GTPBP10: variants seen among roughly 807,000 people sequenced by gnomAD.
The protein encoded by GTPBP10 is GTP-binding protein 10.
A neutral mutation model predicts 44.8 loss-of-function variants in GTPBP10; 38 were observed. The observed-to-expected ratio is 0.85, with a 90% CI of 0.65 to 1.11. The LOEUF (loss-of-function observed/expected upper bound fraction) is 1.11, where lower values mean the gene tolerates loss of function less well. Among genes scored for constraint, GTPBP10 ranks in the 50% most tolerant of loss-of-function variants. GTPBP10 has a pLI of 0.00. For missense variants in GTPBP10, 462 were observed against 453.7 expected (o/e 1.02, Z -0.17); for synonymous variants, 152 against 150.6 (o/e 1.01, Z -0.07).
In GTPBP10 at chr7:90,384,974, T is replaced by A; in HGVS notation, c.984T>A (p.Thr328=). The A allele has an allele frequency of 1.2e-6, 2 of 1,613,642 alleles. No homozygotes were observed. The highest frequency in any genetic ancestry group is 1.7e-6 in the Non-Finnish European group (2 of 1,179,684). ...FQHIIPISAV[T]GEGIEELKNC... ...ATATCATCCCCATATCTGCAGTTAC[T>A]GGAGAAGGAATCGAAGAATTAAAGA... Residue 328 remains threonine (T), a synonymous_variant, in exon 10 of 10, where the codon ACT becomes ACA. Coordinates refer to ENST00000222511, the MANE Select transcript of GTPBP10 (RefSeq NM_033107.4).
intron 4 of GTPBP10, among the ~76,000 whole-genome samples, chr7:90,370,534 A>C (rs80012030): frequency 0.014 from 2,133 of 152,110 alleles, 57 homozygotes; most frequent in African/African-American, 0.049. Flanking sequence ...TGGACATTGG[A>C]GACTCGGAGG....
At chr7:90,353,150 T>G in intron 2 of GTPBP10, 141 bp downstream of exon 2, 1 of 543,408 alleles carries the variant, frequency 1.8e-6, no homozygotes, top group Non-Finnish European at 3.2e-6. Flanking sequence ...GCCTAAAATG[T>G]CTCAACTCAT....
At chr7:90,355,374 C>T (rs942572489) in intron 4 of GTPBP10, 144 bp downstream of exon 4, 4 of 498,092 alleles carry the variant, frequency 8.0e-6, no homozygotes, top group Non-Finnish European at 1.4e-5. Context: ...AAATATGCTG[C>T]TAAATATTAT....
intron 1 of GTPBP10, among the ~76,000 whole-genome samples, chr7:90,350,296 C>T (rs534747770): frequency 5.6e-4 from 86 of 152,294 alleles, no homozygotes; most frequent in African/African-American, 2.0e-3. Flanking sequence ...TTAATCCAGT[C>T]TATCATTGAT....
chr7:90,373,296 C>T (rs1240451086), intron 5 of GTPBP10, among the ~76,000 whole-genome samples: 1 of 152,098 alleles, frequency 6.6e-6, no homozygotes, highest in Non-Finnish European at 1.5e-5. Flanking sequence ...ACAGAGATCT[C>T]GGCCTGTAAT....
intron 1 of GTPBP10, among the ~76,000 whole-genome samples, chr7:90,349,044 G>A (rs918230868): frequency 7.2e-5 from 11 of 151,974 alleles, no homozygotes; most frequent in Admixed American, 5.2e-4. Flanking sequence ...CCACTTTCCC[G>A]CCGTTTTTGG....
intron 2 of GTPBP10, chr7:90,353,226 C>CT: frequency 2.5e-6 from 1 of 396,992 alleles, no homozygotes; most frequent in African/African-American, 2.0e-5. Context: ...TTCCCAATGT[C>CT]TATCTGTATT....
intron 6 of GTPBP10, 138 bp from the exon 7 acceptor site, chr7:90,377,369 T>A (rs1796358444): frequency 5.7e-6 from 3 of 527,754 alleles, no homozygotes; most frequent in Admixed American, 6.9e-5. Flanking sequence ...ACTCTTATAC[T>A]TGGCTTTTCA....
At chr7:90,359,604 G>A (rs548636060) in intron 4 of GTPBP10, among the ~76,000 whole-genome samples, 29 of 152,244 alleles carry the variant, frequency 1.9e-4, no homozygotes, top group African/African-American at 5.5e-4. Context: ...ATAAACATAC[G>A]TGTGCATCTG....
In GTPBP10 at chr7:90,385,102, C is replaced by G; in HGVS notation, c.1112C>G (p.Thr371Ser). The change falls in exon 10 of 10, where the codon ACT becomes AGT. Residue 371 changes from threonine (T) to serine (S), a missense_variant. Thr to Ser is a moderately conservative substitution (Grantham distance 58, BLOSUM62 1). Transcript: ENST00000222511. ...NLWISDTMSS[T>S]EPPSKHAVTT... is the part of the protein sequence containing the mutation. ...TGGATTTCTGATACAATGTCTTCTA[C>G]TGAGCCACCATCAAAGCATGCTGTT... 6.2e-7 allele frequency: 1 copy of G among 1,612,350 alleles called. No homozygotes were observed. The highest frequency in any genetic ancestry group is 8.5e-7 in the Non-Finnish European group (1 of 1,178,660).
intron 3 of GTPBP10, among the ~76,000 whole-genome samples, chr7:90,354,783 A>C (rs368966845): frequency 6.6e-6 from 1 of 152,118 alleles, no homozygotes; most frequent in South Asian, 2.1e-4. Flanking sequence ...GCTCTTTTCA[A>C]TTGTTTACTG....
intron 4 of GTPBP10, among the ~76,000 whole-genome samples, chr7:90,363,060 C>T (rs1796059405): frequency 6.6e-6 from 1 of 151,498 alleles, no homozygotes; most frequent in Admixed American, 6.6e-5. Flanking sequence ...CTAAATACAG[C>T]ACACTCTTGG....
At chr7:90,362,760 T>G (rs1042282556) in intron 4 of GTPBP10, among the ~76,000 whole-genome samples, 1 of 152,162 alleles carries the variant, frequency 6.6e-6, no homozygotes, top group South Asian at 2.1e-4. Flanking sequence ...ATTATTGTTT[T>G]GGAGTCTAAG....
At chr7:90,368,140 C>T (rs1323377266) in intron 4 of GTPBP10, among the ~76,000 whole-genome samples, 2 of 152,148 alleles carry the variant, frequency 1.3e-5, no homozygotes, top group Non-Finnish European at 2.9e-5. Flanking sequence ...GGGTTTCTGC[C>T]AAGAGATCCA....
chr7:90,351,553 A>G (rs1795791482), intron 1 of GTPBP10, among the ~76,000 whole-genome samples: 1 of 152,206 alleles, frequency 6.6e-6, no homozygotes, highest in African/African-American at 2.4e-5. Flanking sequence ...TTTGCTTTGT[A>G]AGTTTTTTCA....
At chr7:90,349,363 G>A (rs1052378811) in intron 1 of GTPBP10, among the ~76,000 whole-genome samples, 2 of 152,082 alleles carry the variant, frequency 1.3e-5, no homozygotes, top group Non-Finnish European at 2.9e-5. Context: ...CATTGTGTTT[G>A]GGGGCAAGGA....
At chr7:90,377,774 T>C (rs1463905683) in intron 7 of GTPBP10, among the ~76,000 whole-genome samples, 160 bp downstream of exon 7, 1 of 152,180 alleles carries the variant, frequency 6.6e-6, no homozygotes, top group African/African-American at 2.4e-5. Context: ...CTATATCATA[T>C]GTAAGTTTGG....
chr7:90,377,459 G>T (rs754808885), intron 6 of GTPBP10, 48 bp from the exon 7 acceptor site: 4 of 1,274,054 alleles, frequency 3.1e-6, no homozygotes, highest in African/African-American at 1.5e-5. Flanking sequence ...TTGAACTTGC[G>T]GTTTTCATAC....
intron 8 of GTPBP10, among the ~76,000 whole-genome samples, chr7:90,380,511 C>T (rs1796418708): frequency 6.6e-6 from 1 of 151,856 alleles, no homozygotes; most frequent in Non-Finnish European, 1.5e-5. Context: ...ATTTAATTTT[C>T]CAGTTTTATT....
Sources: allele counts gnomAD v4.1 joint callset (sites outside exome capture counted in the v4.1 genomes callset), GRCh38; gene constraint gnomAD v4.1.1; transcripts MANE v1.5; gene names NCBI Gene and HGNC (gene_info 2026-07-23, HGNC 2026-07-21).